ZFHX3: variants seen among roughly 807,000 people sequenced by gnomAD.
The protein encoded by ZFHX3 is zinc finger homeobox 3.
Under a neutral mutation model 279.1 loss-of-function variants are expected in ZFHX3, and 42 were observed. The ratio of observed to expected loss-of-function variants is 0.15; its 90% confidence interval spans 0.12 to 0.19. The LOEUF (loss-of-function observed/expected upper bound fraction) is 0.19. Ranked by LOEUF, ZFHX3 falls within the 10% of genes least tolerant of loss-of-function variation. The pLI is 1.00. For missense variants in ZFHX3, 4,981 were observed against 4,754.0 expected (o/e 1.05, Z -1.40); for synonymous variants, 2,293 against 1,957.8 (o/e 1.17, Z -4.52).
intron 3 of ZFHX3, among the ~76,000 whole-genome samples, chr16:72,935,653 G>C (rs1450920794): frequency 6.6e-6 from 1 of 151,366 alleles, no homozygotes; most frequent in East Asian, 1.9e-4. Context: ...AGAATCGCTT[G>C]AACTCGGGAG....
intron 3 of ZFHX3, among the ~76,000 whole-genome samples, chr16:73,430,385 T>C (rs1335527281): frequency 6.6e-6 from 1 of 152,188 alleles, no homozygotes; most frequent in East Asian, 1.9e-4. Context: ...ATGGGTGTCC[T>C]TTATTTCCTC....
At chr16:73,482,066 A>G (rs1439216225) in intron 2 of ZFHX3, among the ~76,000 whole-genome samples, 1 of 152,058 alleles carries the variant, frequency 6.6e-6, no homozygotes, top group East Asian at 1.9e-4. Flanking sequence ...AATAATATCT[A>G]TTGCCCAGCT....
At chr16:73,005,938 T>C (rs1428165608) in intron 1 of ZFHX3, 2 of 152,252 alleles carry the variant, frequency 1.3e-5, no homozygotes, top group African/African-American at 4.8e-5. Context: ...GAGTGATCTC[T>C]ATATTTTCTA....
intron 1 of ZFHX3, among the ~76,000 whole-genome samples, chr16:72,988,932 T>A (rs537581546): frequency 6.6e-6 from 1 of 152,216 alleles, no homozygotes; most frequent in South Asian, 2.1e-4. Flanking sequence ...TTCCAGCACT[T>A]TGGGAGGCCA....
chr16:73,776,968 C>T lies in ZFHX3; in HGVS notation c.-1607-96728G>A, dbSNP rs1431284659. Among the ~76,000 whole-genome samples, 5 of 152,158 alleles carry T rather than the reference C, an allele frequency of 3.3e-5. No homozygotes were observed. In the East Asian group the frequency reaches 9.6e-4, roughly 29 times the overall value. Reference sequence around the variant, plus strand: ...ACCTGAATTGGGCCAATCTCCTCCTCCTGGAAGGAAGGCAACATCCGGAGC... The same window carrying T: ...ACCTGAATTGGGCCAATCTCCTCCTTCTGGAAGGAAGGCAACATCCGGAGC... On this transcript the variant is annotated intron_variant, in intron 1 of 17. Coordinates refer to the ZFHX3 transcript ENST00000641206.
At chr16:73,631,354 T>C (rs1284256016) in intron 2 of ZFHX3, among the ~76,000 whole-genome samples, 3 of 152,154 alleles carry the variant, frequency 2.0e-5, no homozygotes, top group Admixed American at 6.5e-5. Context: ...AGAAAATAAA[T>C]GGTACAAAAG....
intron 2 of ZFHX3, among the ~76,000 whole-genome samples, chr16:73,567,412 G>A (rs142999905): frequency 1.1e-4 from 17 of 152,296 alleles, no homozygotes; most frequent in African/African-American, 4.1e-4. Flanking sequence ...ATAGAAGATG[G>A]AGAACAATGG....
chr16:73,133,531 G>A (rs535370768), intron 6 of ZFHX3, among the ~76,000 whole-genome samples: 1 of 152,292 alleles, frequency 6.6e-6, no homozygotes, highest in South Asian at 2.1e-4. Flanking sequence ...GTCCTTTTAA[G>A]AAGAGGAGAT....
intron 3 of ZFHX3, among the ~76,000 whole-genome samples, chr16:72,928,933 G>C (rs1489901340): frequency 1.3e-5 from 2 of 152,176 alleles, no homozygotes; most frequent in Non-Finnish European, 2.9e-5. Flanking sequence ...CTGCACTCCA[G>C]GCTGGACAAC....
At chr16:73,418,236 G>A (rs958413896) in intron 3 of ZFHX3, among the ~76,000 whole-genome samples, 8 of 152,218 alleles carry the variant, frequency 5.3e-5, no homozygotes, top group African/African-American at 9.6e-5. Context: ...GCCCCAGGGC[G>A]TGGAAGGGAT....
chr16:73,195,285 GA>G (rs1490694738), intron 5 of ZFHX3, among the ~76,000 whole-genome samples: 1 of 151,892 alleles, frequency 6.6e-6, no homozygotes, highest in Non-Finnish European at 1.5e-5. Flanking sequence ...TAACCCACAG[GA>G]AAAACTGATT....
At chr16:72,881,122 G>A (rs951247622) in intron 4 of ZFHX3, among the ~76,000 whole-genome samples, 4 of 152,230 alleles carry the variant, frequency 2.6e-5, no homozygotes, top group Admixed American at 2.0e-4. Flanking sequence ...GTGAGGAGGA[G>A]CTGAGCATGG....
chr16:73,552,649 A>T (rs1442182524), intron 2 of ZFHX3, among the ~76,000 whole-genome samples: 1 of 152,176 alleles, frequency 6.6e-6, no homozygotes, highest in Non-Finnish European at 1.5e-5. Flanking sequence ...TTTTCTGAGG[A>T]CTAGAAGACT....
intron 5 of ZFHX3, among the ~76,000 whole-genome samples, chr16:72,813,231 T>G (rs1389766495): frequency 6.6e-6 from 1 of 152,198 alleles, no homozygotes; most frequent in African/African-American, 2.4e-5. Flanking sequence ...CCCACTTCCC[T>G]CATGAAAAAA....
intron 1 of ZFHX3, among the ~76,000 whole-genome samples, chr16:73,713,628 C>CTT (rs113612111): frequency 1.1e-4 from 16 of 146,892 alleles, no homozygotes; most frequent in African/African-American, 3.8e-4. Flanking sequence ...AAGATATTAG[C>CTT]TTTTTTTTTT....
chr16:73,541,322 G>A (rs986859831), intron 2 of ZFHX3, among the ~76,000 whole-genome samples: 14 of 151,772 alleles, frequency 9.2e-5, no homozygotes, highest in East Asian at 1.9e-4. Context: ...TCATCTCTAC[G>A]ACAAATTTAA....
chr16:72,885,939 T>C (rs768370379), intron 4 of ZFHX3, among the ~76,000 whole-genome samples: 1 of 152,120 alleles, frequency 6.6e-6, no homozygotes, highest in Admixed American at 6.5e-5. Flanking sequence ...AGCTGAAAAA[T>C]CATGTCCTGA....
intron 3 of ZFHX3, among the ~76,000 whole-genome samples, chr16:72,931,430 C>CACACACAA (rs1286073470): frequency 7.0e-6 from 1 of 143,556 alleles, no homozygotes; most frequent in Non-Finnish European, 1.6e-5. Flanking sequence ...CACACACACA[C>CACACACAA]ACACACACAC....
chr16:72,788,647 G>GGCTGCTGCACCTGTGGTT lies in ZFHX3; in HGVS notation c.9611_9628dup (p.Gln3204_Gln3209dup), dbSNP rs780076375. On this transcript the variant is annotated inframe_insertion, in exon 10 of 10. Transcript: ENST00000268489. ...CGGCTGGGCTGCTGGCGGCGGGGGA[G>GGCTGCTGCACCTGTGGTT]GCTGCTGCACCTGTGGTTGCTGCTG... 1 of 1,613,322 alleles carries GGCTGCTGCACCTGTGGTT rather than the reference G, an allele frequency of 6.2e-7. No homozygotes were observed. The highest frequency in any genetic ancestry group is 8.5e-7 in the Non-Finnish European group (1 of 1,179,782).
Sources: allele counts gnomAD v4.1 joint callset (sites outside exome capture counted in the v4.1 genomes callset), GRCh38; gene constraint gnomAD v4.1.1; transcripts MANE v1.5; gene names NCBI Gene and HGNC (gene_info 2026-07-23, HGNC 2026-07-21).